Variants in PLPPR1 observed in about 807,000 individuals in gnomAD.
The protein encoded by PLPPR1 is phospholipid phosphatase related 1.
Under a neutral mutation model 33.1 loss-of-function variants are expected in PLPPR1, and 10 were observed. The ratio of observed to expected loss-of-function variants is 0.30; its 90% CI spans 0.19 to 0.51. The LOEUF (loss-of-function observed/expected upper bound fraction) is 0.51. PLPPR1 is among the 20% of genes least tolerant of loss of function. The pLI is 0.97. For missense variants in PLPPR1, 304 were observed against 408.1 expected (o/e 0.74, Z 2.20); for synonymous variants, 151 against 151.0 (o/e 1.00, Z 0.00).
At chr9:101,090,743 AAAC>A (rs1830731811) in intron 1 of PLPPR1, among the ~76,000 whole-genome samples, 1 of 151,854 alleles carries the variant, frequency 6.6e-6, no homozygotes, top group African/African-American at 2.4e-5. Flanking sequence ...ACAAACAAAC[AAAC>A]AAACAAACAG....
At chr9:101,113,443 T>C (rs1831081296) in intron 1 of PLPPR1, among the ~76,000 whole-genome samples, 1 of 152,184 alleles carries the variant, frequency 6.6e-6, no homozygotes. Context: ...TTAATTTTTC[T>C]GCAGGAAATA....
intron 1 of PLPPR1, among the ~76,000 whole-genome samples, chr9:101,058,072 A>G (rs1246565345): frequency 2.0e-5 from 3 of 152,150 alleles, no homozygotes; most frequent in Non-Finnish European, 4.4e-5. Context: ...GTGTGGAACC[A>G]GAGCCTTCTT....
intron 1 of PLPPR1, among the ~76,000 whole-genome samples, chr9:101,156,713 CAGAGAA>C (rs1831698842): frequency 6.6e-6 from 1 of 151,732 alleles, no homozygotes; most frequent in East Asian, 1.9e-4. Context: ...GTTTGGGAAT[CAGAGAA>C]AGGGAATACC....
At chr9:101,082,979 G>A (rs369245830) in intron 1 of PLPPR1, among the ~76,000 whole-genome samples, 5 of 152,140 alleles carry the variant, frequency 3.3e-5, no homozygotes, top group South Asian at 4.2e-4. Flanking sequence ...CAAAGATACC[G>A]AATATCAGAA....
At position 101,228,736 on chromosome 9, in the gene PLPPR1, G is replaced by A. The variant is rs899096113; in HGVS notation, c.64-41144G>A. Among the ~76,000 whole-genome samples, 3 of 152,026 alleles carry A rather than the reference G, an allele frequency of 2.0e-5. No individual in the cohort carries two copies. The East Asian group carries it at 5.8e-4, about 29-fold the overall frequency. Reference sequence around the variant, plus strand: ...TTGAGTACACCATAAACGCTAGACAGGAAAGGGGGAGTCATAATCTAAAAC... The same window carrying A: ...TTGAGTACACCATAAACGCTAGACAAGAAAGGGGGAGTCATAATCTAAAAC... On this transcript the variant is annotated intron_variant, in intron 2 of 7. Coordinates refer to ENST00000374874, the MANE Select transcript of PLPPR1 (RefSeq NM_207299.2).
intron 1 of PLPPR1, among the ~76,000 whole-genome samples, chr9:101,046,976 G>A (rs1053098059): frequency 4.6e-5 from 7 of 152,004 alleles, no homozygotes; most frequent in African/African-American, 9.7e-5. Context: ...ATTGGGGGTC[G>A]GGGGAGAAGA....
intron 1 of PLPPR1, among the ~76,000 whole-genome samples, chr9:101,150,321 T>C (rs933539227): frequency 6.6e-6 from 1 of 152,178 alleles, no homozygotes; most frequent in African/African-American, 2.4e-5. Context: ...TTCTTCTTTA[T>C]TGGAGGAATT....
chr9:101,049,566 A>G (rs1564130317), intron 1 of PLPPR1, among the ~76,000 whole-genome samples: 1 of 152,186 alleles, frequency 6.6e-6, no homozygotes, highest in Non-Finnish European at 1.5e-5. Flanking sequence ...ATCAATATAC[A>G]GTTGAGAAAA....
intron 7 of PLPPR1, chr9:101,322,337 C>T (rs138604235): frequency 2.6e-4 from 39 of 148,212 alleles, no homozygotes; most frequent in Admixed American, 1.0e-3. Flanking sequence ...AAATAAAAGA[C>T]AAGACTTTAG....
intron 1 of PLPPR1, among the ~76,000 whole-genome samples, chr9:101,112,037 A>G (rs1164549678): frequency 6.6e-6 from 1 of 152,162 alleles, no homozygotes; most frequent in Non-Finnish European, 1.5e-5. Context: ...ATCATTTGGA[A>G]TTTCCCTGTC....
intron 1 of PLPPR1, among the ~76,000 whole-genome samples, chr9:101,063,037 G>T (rs1830365459): frequency 6.6e-6 from 1 of 151,960 alleles, no homozygotes; most frequent in Admixed American, 6.6e-5. Context: ...TATATCACAA[G>T]GGGTGAGAAG....
At chr9:101,146,386 C>T (rs537489797) in intron 1 of PLPPR1, among the ~76,000 whole-genome samples, 5 of 152,272 alleles carry the variant, frequency 3.3e-5, no homozygotes, top group Admixed American at 2.0e-4. Flanking sequence ...ATTAAGCCTC[C>T]CTAGATGGAG....
intron 2 of PLPPR1, among the ~76,000 whole-genome samples, chr9:101,221,364 A>G (rs1826934633): frequency 6.6e-6 from 1 of 152,156 alleles, no homozygotes; most frequent in Non-Finnish European, 1.5e-5. Flanking sequence ...CCCATTAGTC[A>G]GTAAAGAACA....
chr9:101,255,903 AAAT>A (rs1423632920), intron 2 of PLPPR1, among the ~76,000 whole-genome samples: 8 of 152,188 alleles, frequency 5.3e-5, no homozygotes, highest in South Asian at 2.1e-4. Flanking sequence ...AGGAGAGGTA[AAAT>A]AATAACTCCT....
At chr9:101,182,244 G>T (rs1826127302) in intron 1 of PLPPR1, among the ~76,000 whole-genome samples, 1 of 151,538 alleles carries the variant, frequency 6.6e-6, no homozygotes, top group Non-Finnish European at 1.5e-5. Context: ...CTGGAAGAGG[G>T]GGATGGATGG....
chr9:101,234,292 G>A (rs1296016353), intron 2 of PLPPR1, among the ~76,000 whole-genome samples: 5 of 151,868 alleles, frequency 3.3e-5, no homozygotes, highest in Non-Finnish European at 7.4e-5. Context: ...AGAAGAGGGT[G>A]AGTTTACCTT....
intron 1 of PLPPR1, among the ~76,000 whole-genome samples, chr9:101,090,718 AAAACAAACAAACAAACAAAC>A (rs55685639): frequency 2.1e-4 from 31 of 149,932 alleles, no homozygotes; most frequent in African/African-American, 7.2e-4. Context: ...ACTCTGTCTC[AAAACAAACAAACAAACAAAC>A]AAACAAACAA....
intron 1 of PLPPR1, among the ~76,000 whole-genome samples, chr9:101,111,806 T>C (rs1167565893): frequency 6.6e-6 from 1 of 152,296 alleles, no homozygotes; most frequent in East Asian, 1.9e-4. Context: ...CTTGACCCAA[T>C]TGAATCATAT....
chr9:101,207,111 A>T (rs1826602597), intron 2 of PLPPR1, among the ~76,000 whole-genome samples: 1 of 152,114 alleles, frequency 6.6e-6, no homozygotes, highest in Non-Finnish European at 1.5e-5. Context: ...TTATTTGCCT[A>T]CTTTTTTATT....
Sources: allele counts gnomAD v4.1 joint callset (sites outside exome capture counted in the v4.1 genomes callset), GRCh38; gene constraint gnomAD v4.1.1; transcripts MANE v1.5; gene names NCBI Gene and HGNC (gene_info 2026-07-23, HGNC 2026-07-21).